LIN28A: variants seen among roughly 807,000 people sequenced by gnomAD.
The protein encoded by LIN28A is lin-28 RNA binding posttranscriptional regulator A, also known as protein lin-28 homolog A.
In LIN28A, 11 loss-of-function variants were observed where a neutral mutation model predicts 21.1. That is an observed-to-expected ratio of 0.52 (90% CI 0.33 to 0.86). The LOEUF (loss-of-function observed/expected upper bound fraction) is 0.86. Among genes scored for constraint, LIN28A ranks in the 40% least tolerant of loss-of-function variants. The probability of loss-of-function intolerance (pLI) is 0.03; values close to 1 mark genes in which losing one functional copy is unlikely to be tolerated. For missense variants in LIN28A, 219 were observed against 279.8 expected, an observed-to-expected ratio of 0.78 and a Z score of 1.55; for synonymous variants, 111 against 108.7, an observed-to-expected ratio of 1.02 and a Z score of -0.13.
chr1:26,412,569 A>G (rs1221272904), intron 2 of LIN28A, among the ~76,000 whole-genome samples: 1 of 151,702 alleles, frequency 6.6e-6, no homozygotes, highest in African/African-American at 2.4e-5. Flanking sequence ...CCATCTTTGG[A>G]GGTTTGGGAC....
chr1:26,424,634 C>T (rs541301379), intron 2 of LIN28A, among the ~76,000 whole-genome samples: 3 of 152,066 alleles, frequency 2.0e-5, no homozygotes, highest in East Asian at 1.9e-4. Flanking sequence ...GCAAAGGCGC[C>T]ATCTTGGCTC....
intron 2 of LIN28A, among the ~76,000 whole-genome samples, chr1:26,414,147 G>C (rs2074979393): frequency 6.6e-6 from 1 of 151,628 alleles, no homozygotes; most frequent in African/African-American, 2.4e-5. Flanking sequence ...AATTAGAAAT[G>C]ACTCTCTGGA....
chr1:26,426,126 C>G (rs1415474862), intron 3 of LIN28A, 116 bp from the exon 4 acceptor site: 4 of 759,770 alleles, frequency 5.3e-6, no homozygotes, highest in Non-Finnish European at 6.6e-6. Flanking sequence ...AGTTTGGTCT[C>G]TGGGAAGGGA....
At chr1:26,416,087 G>C (rs1348853679) in intron 2 of LIN28A, among the ~76,000 whole-genome samples, 1 of 152,092 alleles carries the variant, frequency 6.6e-6, no homozygotes, top group East Asian at 1.9e-4. Context: ...CTGACTTTTG[G>C]GTTCAAGCAA....
chr1:26,410,980 G>A, intron 1 of LIN28A, 58 bp downstream of exon 1: 1 of 1,579,790 alleles, frequency 6.3e-7, no homozygotes, highest in South Asian at 1.1e-5. Context: ...CAGGAGCCAC[G>A]TAGAAGGGAG....
chr1:26,425,709 C>A (rs1045594882), intron 3 of LIN28A, among the ~76,000 whole-genome samples: 19 of 152,124 alleles, frequency 1.2e-4, no homozygotes, highest in Non-Finnish European at 4.4e-5. Context: ...GCTCTGTGGT[C>A]TCTAAGCCTC....
At position 26,411,486 on chromosome 1, in the gene LIN28A, T is replaced by C; in HGVS notation, c.132T>C (p.Cys44=). The C allele has an allele frequency of 1.2e-6, 2 of 1,614,002 alleles. No homozygotes were observed. Among genetic ancestry groups the C allele is most frequent in the Non-Finnish European group, 1.7e-6 (2 of 1,179,958 alleles). The change falls in exon 2 of 4, where the codon TGT becomes TGC. Residue 44 remains cysteine, a synonymous_variant. Transcript: ENST00000326279. The surrounding 1 kb of genome is among the most constrained non-coding windows in gnomAD (Gnocchi z 5.4). The part of the protein sequence containing the change: ...EPQLLHGAGI[C]KWFNVRMGFG... The stretch of plus-strand genomic sequence containing the variant: ...AGCTGCTGCACGGTGCGGGCATCTG[T>C]AAGTGGTTCAACGTGCGCATGGGGT...
intron 2 of LIN28A, among the ~76,000 whole-genome samples, chr1:26,423,413 C>CTTT (rs1202952934): frequency 0.033 from 2,635 of 78,740 alleles, 156 homozygotes; most frequent in Non-Finnish European, 0.043. Context: ...TTTTCTTTTT[C>CTTT]TTTTTTTTTT....
In LIN28A at chr1:26,428,407, C is replaced by T. The variant is rs1183747098; in HGVS notation, c.*1949C>T. ...TCACCCCCAAAAGAAAACTTACACACCCACACACATACACATTTCATGCTT... is the reference window on the plus strand; with the variant it reads ...TCACCCCCAAAAGAAAACTTACACATCCACACACATACACATTTCATGCTT... On this transcript the variant is annotated 3_prime_UTR_variant, in exon 4 of 4. Transcript: ENST00000326279. 6.6e-6 allele frequency: 1 copy of T among 152,140 alleles called. No homozygotes were observed. Among genetic ancestry groups the T allele is most frequent in the Non-Finnish European group, 1.5e-5 (1 of 68,038 alleles). The allele number at this position is 152,140 out of a possible 1,614,324, so 9.4% of individuals were successfully genotyped here.
Position 26,426,371 on chromosome 1 carries a change from C to T in LIN28A, c.543C>T (p.Gly181=). 1 of 1,614,150 alleles carries T rather than the reference C, an allele frequency of 6.2e-7. No homozygotes were observed. The highest frequency in any genetic ancestry group is 1.1e-5 in the South Asian group (1 of 91,080). ...VASCPLKAQQ[G]PSAQGKPTYF... The stretch of plus-strand genomic sequence containing the variant: ...CATGTCCGCTGAAGGCCCAGCAGGG[C>T]CCTAGTGCACAGGGAAAGCCAACCT... Residue 181 remains glycine (G), a synonymous_variant, in exon 4 of 4, where the codon GGC becomes GGT. Coordinates refer to ENST00000326279, the MANE Select transcript of LIN28A (RefSeq NM_024674.6).
Position 26,426,308 on chromosome 1 carries a change from G to C in LIN28A, c.480G>C (p.Lys160Asn), listed in dbSNP as rs1349598545. ...KECKLPPQPK[K>N]CHFCQSISHM... Reference sequence around the variant, plus strand: ...GCAAGCTGCCACCCCAGCCCAAGAAGTGCCACTTCTGCCAGAGCATCAGCC... The same window carrying C: ...GCAAGCTGCCACCCCAGCCCAAGAACTGCCACTTCTGCCAGAGCATCAGCC... Residue 160 changes from lysine (K) to asparagine (N), a missense_variant, in exon 4 of 4, where the codon AAG (lysine) becomes AAC (asparagine). This residue lies in a region of LIN28A where 124 missense variants were observed against 193.1 expected (regional missense o/e 0.64). Coordinates refer to ENST00000326279, the MANE Select transcript of LIN28A (RefSeq NM_024674.6). 3 of 1,614,214 alleles carry C rather than the reference G, an allele frequency of 1.9e-6. No homozygotes were observed. Among genetic ancestry groups the C allele is most frequent in the Non-Finnish European group, 2.5e-6 (3 of 1,180,034 alleles).
At chr1:26,413,904 C>T (rs141689895) in intron 2 of LIN28A, among the ~76,000 whole-genome samples, 287 of 149,812 alleles carry the variant, frequency 1.9e-3, no homozygotes, top group African/African-American at 6.5e-3. Context: ...CTCCACTCAC[C>T]GCAACCTCCG....
chr1:26,423,487 G>A (rs1172900237), intron 2 of LIN28A, among the ~76,000 whole-genome samples: 2 of 117,668 alleles, frequency 1.7e-5, no homozygotes, highest in South Asian at 2.9e-4. Flanking sequence ...TTGGCTCACC[G>A]CAACCTCCGC....
chr1:26,410,958 T>G, intron 1 of LIN28A, 36 bp downstream of exon 1: 1 of 1,594,642 alleles, frequency 6.3e-7, no homozygotes, highest in Non-Finnish European at 8.5e-7. Context: ...CACTTTAGGA[T>G]TCAGGGGCGG....
chr1:26,412,905 C>T (rs1277350340), intron 2 of LIN28A, among the ~76,000 whole-genome samples: 1 of 152,130 alleles, frequency 6.6e-6, no homozygotes. Context: ...ACTTGAACAT[C>T]TGCCAAGAGG....
chr1:26,418,537 C>CT (rs200810987), intron 2 of LIN28A, among the ~76,000 whole-genome samples: 39 of 105,398 alleles, frequency 3.7e-4, no homozygotes, highest in Middle Eastern at 4.1e-3. Context: ...CAGAGCCAGA[C>CT]TTTTTAAAAA....
At chr1:26,418,969 G>A (rs535678380) in intron 2 of LIN28A, among the ~76,000 whole-genome samples, 132 of 152,302 alleles carry the variant, frequency 8.7e-4, no homozygotes, top group Non-Finnish European at 1.2e-3. Flanking sequence ...TGGAACTCCA[G>A]GAATCTGACC....
rs765284467 is a variant in LIN28A at position 26,411,962 on chromosome 1, G to A, written c.228+380G>A. 2.0e-5 allele frequency among the ~76,000 whole-genome samples: 3 copies of A among 152,240 alleles called. No homozygotes were observed. The highest frequency in any genetic ancestry group is 4.4e-5 in the Non-Finnish European group (3 of 68,040). On this transcript the variant is annotated intron_variant, in intron 2 of 3. Transcript: ENST00000326279. This position sits in a 1 kb window ranked among gnomAD's most constrained non-coding sequence, Gnocchi z 5.4. ...GAAGCACATGCCGGGCCTAAGCCGGGAGCCCAGCTCCTCCAACGTCTGAAT... is the reference window on the plus strand; with the variant it reads ...GAAGCACATGCCGGGCCTAAGCCGGAAGCCCAGCTCCTCCAACGTCTGAAT...
At chr1:26,418,015 TC>T (rs2075003839) in intron 2 of LIN28A, among the ~76,000 whole-genome samples, 2 of 151,948 alleles carry the variant, frequency 1.3e-5, no homozygotes, top group Admixed American at 6.6e-5. Context: ...TTTTTTTTTT[TC>T]TCTTCATACT....
Sources: allele counts gnomAD v4.1 joint callset (sites outside exome capture counted in the v4.1 genomes callset), GRCh38; gene constraint gnomAD v4.1.1; regional missense constraint gnomAD v4.1.1; non-coding constraint Gnocchi (gnomAD v3.1); transcripts MANE v1.5; gene names NCBI Gene and HGNC (gene_info 2026-07-23, HGNC 2026-07-21).